KALRN: variants seen among roughly 807,000 people sequenced by gnomAD.
KALRN encodes kalirin RhoGEF kinase, also known as kalirin.
A neutral mutation model predicts 353.7 loss-of-function variants in KALRN; 70 were observed. The observed-to-expected ratio is 0.20, with a 90% CI of 0.16 to 0.24. The LOEUF is 0.24. KALRN is among the 10% of genes least tolerant of loss of function. The pLI, the probability that KALRN is intolerant of heterozygous loss-of-function variation, is 1.00. For synonymous variants in KALRN, 1,391 were observed against 1,434.8 expected (o/e 0.97, Z 0.69); for missense variants, 2,791 against 3,756.7 (o/e 0.74, Z 6.72).
chr3:124,118,838 C>T (rs1473278347), intron 1 of KALRN, among the ~76,000 whole-genome samples: 1 of 152,238 alleles, frequency 6.6e-6, no homozygotes, highest in Admixed American at 6.5e-5. Flanking sequence ...GTTTATAAAG[C>T]ATGTCCACCA....
At chr3:124,394,823 T>A (rs1384772133) in intron 11 of KALRN, among the ~76,000 whole-genome samples, 2 of 152,214 alleles carry the variant, frequency 1.3e-5, no homozygotes, top group South Asian at 2.1e-4. Flanking sequence ...TCTCCTGTTC[T>A]TCCTAGTGGT....
intron 25 of KALRN, among the ~76,000 whole-genome samples, chr3:124,468,424 T>C (rs1407749562): frequency 6.6e-6 from 1 of 152,158 alleles, no homozygotes; most frequent in East Asian, 1.9e-4. Context: ...TTCAGGCCAC[T>C]GGGGAAAGGC....
intron 37 of KALRN, among the ~76,000 whole-genome samples, chr3:124,646,614 C>T (rs1221945951): frequency 1.3e-5 from 2 of 151,422 alleles, no homozygotes; most frequent in Non-Finnish European, 2.9e-5. Context: ...TGGTTTTGAA[C>T]TCCTGACCTC....
At chr3:124,410,691 T>C (rs1202823685) in intron 13 of KALRN, among the ~76,000 whole-genome samples, 3 of 152,182 alleles carry the variant, frequency 2.0e-5, no homozygotes, top group Non-Finnish European at 4.4e-5. Context: ...AGACTGATAA[T>C]GCCAAGTGAT....
rs1429463097 is a variant in KALRN at position 124,033,660 on chromosome 3, C to T, written c.-81C>T. 4.6e-5 allele frequency among the ~76,000 whole-genome samples: 7 copies of T among 151,750 alleles called. No homozygotes were observed. The highest frequency in any genetic ancestry group is 1.7e-4 in the African/African-American group (7 of 41,368). On this transcript the variant is annotated 5_prime_UTR_variant, in exon 1 of 60. Transcript: ENST00000682506. The surrounding 1 kb of genome is among the most constrained non-coding windows in gnomAD (Gnocchi z 6.2). ...CGGCCGCAGCAGCTGCGCCCCGCGC[C>T]CTCCGCCCACCGGGCGCCGAGCAGC...
intron 10 of KALRN, among the ~76,000 whole-genome samples, chr3:124,357,637 C>T (rs527930244): frequency 6.6e-6 from 1 of 152,300 alleles, no homozygotes; most frequent in Non-Finnish European, 1.5e-5. Flanking sequence ...CTCAAGTATA[C>T]CTCCTCTAGG....
intron 3 of KALRN, among the ~76,000 whole-genome samples, chr3:124,259,565 C>A (rs2072546946): frequency 6.6e-6 from 1 of 151,920 alleles, no homozygotes; most frequent in South Asian, 2.1e-4. Flanking sequence ...CAGAGGGGTT[C>A]CACAGTAAGT....
chr3:124,441,319 T>C (rs972004552), intron 18 of KALRN, among the ~76,000 whole-genome samples: 4 of 152,198 alleles, frequency 2.6e-5, no homozygotes, highest in African/African-American at 9.7e-5. Flanking sequence ...TAGTAATGCC[T>C]GATCAACATA....
At chr3:124,083,381 C>T (rs2060641544) in intron 1 of KALRN, among the ~76,000 whole-genome samples, 1 of 152,052 alleles carries the variant, frequency 6.6e-6, no homozygotes, top group Non-Finnish European at 1.5e-5. Flanking sequence ...GGAAGGCTTC[C>T]TGGAGACCTG....
chr3:124,255,739 G>T (rs956684905), intron 3 of KALRN, among the ~76,000 whole-genome samples: 41 of 152,146 alleles, frequency 2.7e-4, no homozygotes, highest in African/African-American at 9.4e-4. Context: ...AGATGGAGCA[G>T]GGTGGGGAGG....
intron 33 of KALRN, among the ~76,000 whole-genome samples, chr3:124,531,383 A>G (rs942454879): frequency 7.2e-5 from 11 of 152,246 alleles, no homozygotes; most frequent in African/African-American, 1.4e-4. Flanking sequence ...ACAGATTTGT[A>G]TATGTGAATT....
chr3:124,452,689 G>A lies in KALRN; in HGVS notation c.3553-2488G>A, dbSNP rs569564727. On this transcript the variant is annotated intron_variant, in intron 21 of 59. Transcript: ENST00000682506. The stretch of plus-strand genomic sequence containing the variant: ...TAGGTGGAGCCGCATGGGGAAGGGC[G>A]TGTCTACACTTCCCTCTACCTACTT... Among the ~76,000 whole-genome samples, 7 of 152,158 alleles carry A rather than the reference G, an allele frequency of 4.6e-5. No individual in the cohort carries two copies. In the East Asian group the frequency reaches 5.8e-4, roughly 13 times the overall value.
intron 1 of KALRN, among the ~76,000 whole-genome samples, chr3:124,172,450 A>G (rs985643859): frequency 1.8e-4 from 27 of 152,360 alleles, no homozygotes; most frequent in African/African-American, 6.5e-4. Context: ...TGGAATAGCC[A>G]GAAATGATGC....
At chr3:124,444,535 C>T (rs539021771) in intron 19 of KALRN, among the ~76,000 whole-genome samples, 6 of 151,954 alleles carry the variant, frequency 3.9e-5, no homozygotes, top group South Asian at 2.1e-4. Context: ...CGGTGGCTCG[C>T]GCCTGTAATC....
At position 124,110,463 on chromosome 3, in the gene KALRN, A is replaced by ACGCG. The variant is rs374765325; in HGVS notation, c.73+76654_73+76657dup. Reference sequence around the variant, plus strand: ...ATATGTATATATTTCATATATACACACGCGCGCACACACACACACACACAC... The same window carrying ACGCG: ...ATATGTATATATTTCATATATACACACGCGCGCGCGCACACACACACACACACAC... On this transcript the variant is annotated intron_variant, in intron 1 of 59. Coordinates refer to ENST00000682506, the MANE Select transcript of KALRN (RefSeq NM_001388419.1). Among the ~76,000 whole-genome samples, 12 of 56,080 alleles carry ACGCG rather than the reference A, an allele frequency of 2.1e-4. 1 individual carries two copies. In the South Asian group the frequency reaches 2.6e-3, roughly 12 times the overall value. 36.8% of individuals were successfully genotyped at this position (56,080 alleles called of 152,430 possible). A position where few individuals can be genotyped will look rare whatever the true frequency, so the allele number is the denominator to read the frequency against.
At position 124,656,610 on chromosome 3, in the gene KALRN, C is replaced by T. The variant is rs1226712492; in HGVS notation, c.5863-838C>T. The stretch of plus-strand genomic sequence containing the variant: ...TGGGCGACAGAGCAAGACTCCATCT[C>T]AAAAAATAAAAATAAAAGTAAAAAT... On this transcript the variant is annotated intron_variant, in intron 39 of 59. Transcript: ENST00000682506. Among the ~76,000 whole-genome samples the T allele has an allele frequency of 2.0e-5, 3 of 150,522 alleles. No individual in the cohort carries two copies. In the East Asian group the frequency reaches 5.9e-4, roughly 30 times the overall value.
intron 10 of KALRN, among the ~76,000 whole-genome samples, chr3:124,382,399 T>C (rs778322743): frequency 6.6e-6 from 1 of 152,166 alleles, no homozygotes; most frequent in African/African-American, 2.4e-5. Context: ...TAATTCTTCT[T>C]TGAGACAAAA....
At chr3:124,599,344 G>A (rs910604542) in intron 34 of KALRN, among the ~76,000 whole-genome samples, 1 of 152,122 alleles carries the variant, frequency 6.6e-6, no homozygotes, top group Non-Finnish European at 1.5e-5. Context: ...AACCTCTGAG[G>A]AACCTGTACC....
At chr3:124,652,300 C>G (rs2083500531) in intron 38 of KALRN, among the ~76,000 whole-genome samples, 1 of 152,346 alleles carries the variant, frequency 6.6e-6, no homozygotes, top group East Asian at 1.9e-4. Context: ...GAACAAGTAG[C>G]ATGTAAATCT....
Sources: gnomAD v4.1 joint callset for allele counts (sites outside exome capture counted in the v4.1 genomes callset) on GRCh38, gnomAD v4.1.1 for gene constraint, Gnocchi (gnomAD v3.1) non-coding constraint, MANE v1.5 for transcripts, NCBI Gene and HGNC (gene_info 2026-07-23, HGNC 2026-07-21) for gene names.